Variants in FGD3 observed in about 807,000 individuals in gnomAD.
FGD3 encodes FYVE, RhoGEF and PH domain containing 3, also known as FYVE, RhoGEF and PH domain-containing protein 3.
Under a neutral mutation model 71.8 loss-of-function variants are expected in FGD3, and 45 were observed. The ratio of observed to expected loss-of-function variants is 0.63; its 90% CI spans 0.49 to 0.80. FGD3 has a LOEUF of 0.80. Among genes scored for constraint, FGD3 ranks in the 30% least tolerant of loss-of-function variants. The pLI, the probability that FGD3 is intolerant of heterozygous loss-of-function variation, is 0.00. For missense variants in FGD3, 844 were observed against 951.5 expected, an observed-to-expected ratio of 0.89 and a Z score of 1.49; for synonymous variants, 378 against 392.8, an observed-to-expected ratio of 0.96 and a Z score of 0.44.
At chr9:93,030,134 G>T in intron 15 of FGD3, 138 bp downstream of exon 15, 1 of 984,496 alleles carries the variant, frequency 1.0e-6, no homozygotes, top group Non-Finnish European at 1.4e-6. Context: ...CTGGCTCATG[G>T]ATATAGATAC....
chr9:92,989,602 G>A (rs1860322712), intron 3 of FGD3, among the ~76,000 whole-genome samples: 1 of 151,304 alleles, frequency 6.6e-6, no homozygotes, highest in African/African-American at 2.5e-5. Context: ...GAAGTCTTCA[G>A]TATTTAAAGG....
Position 93,034,524 on chromosome 9 carries a change from T to G in FGD3, c.1786-17T>G. On this transcript the variant is annotated splice_polypyrimidine_tract_variant and intron_variant, in intron 16 of 17. Coordinates refer to ENST00000375482, the MANE Select transcript of FGD3 (RefSeq NM_001083536.2). ...TGCAGGGGAGACTGCCCCTAACCTG[T>G]GTCTTTGTGTCCCCAGAAGACACCC... 1 of 1,603,290 alleles carries G rather than the reference T, an allele frequency of 6.2e-7. No individual in the cohort carries two copies. Among genetic ancestry groups the G allele is most frequent in the African/African-American group, 1.3e-5 (1 of 74,726 alleles).
chr9:93,006,202 T>C (rs757666558), intron 6 of FGD3, 22 bp downstream of exon 6: 3 of 1,518,042 alleles, frequency 2.0e-6, no homozygotes, highest in Admixed American at 2.1e-5. Flanking sequence ...AGTGGGAGTG[T>C]GGACACAGAT....
At chr9:92,999,080 A>T (rs1280366730) in intron 3 of FGD3, among the ~76,000 whole-genome samples, 1 of 152,208 alleles carries the variant, frequency 6.6e-6, no homozygotes, top group African/African-American at 2.4e-5. Context: ...GGTGGAGTCT[A>T]CAGAGGCAGG....
intron 14 of FGD3, among the ~76,000 whole-genome samples, chr9:93,023,857 G>A (rs1014681101): frequency 6.1e-5 from 9 of 146,766 alleles, no homozygotes; most frequent in African/African-American, 2.0e-4. Flanking sequence ...GCCGGAGTGC[G>A]GTGGCACAAT....
At chr9:92,992,604 G>A (rs1374630338) in intron 3 of FGD3, among the ~76,000 whole-genome samples, 1 of 152,050 alleles carries the variant, frequency 6.6e-6, no homozygotes, top group Non-Finnish European at 1.5e-5. Flanking sequence ...GCTGATCCTG[G>A]GCCCAAGCTC....
rs536252480 is a variant in FGD3, at chr9:92,970,619, A to G, written c.-217-4619A>G. Reference sequence around the variant, plus strand: ...GCATCTGTTAGTCTCAAGCCTGCATAGCAAGTGGTTTCAGGAGGGACCTAT... The same window carrying G: ...GCATCTGTTAGTCTCAAGCCTGCATGGCAAGTGGTTTCAGGAGGGACCTAT... On this transcript the variant is annotated intron_variant, in intron 1 of 17. Transcript: ENST00000375482. Among the ~76,000 whole-genome samples, 23 of 152,350 alleles carry G rather than the reference A, an allele frequency of 1.5e-4. No homozygotes were observed. The South Asian group carries it at 4.6e-3, about 30-fold the overall frequency.
At chr9:92,998,138 T>C (rs573398990) in intron 3 of FGD3, among the ~76,000 whole-genome samples, 38 of 152,340 alleles carry the variant, frequency 2.5e-4, no homozygotes, top group African/African-American at 9.1e-4. Flanking sequence ...TTTCACATAG[T>C]CTCATATTTC....
At chr9:92,955,256 C>T (rs982589926) in intron 1 of FGD3, among the ~76,000 whole-genome samples, 5 of 152,112 alleles carry the variant, frequency 3.3e-5, no homozygotes, top group African/African-American at 1.2e-4. Context: ...AAGGGATGGC[C>T]AGGCACGGTG....
intron 10 of FGD3, 108 bp downstream of exon 10, chr9:93,015,937 A>T: frequency 1.1e-6 from 1 of 937,602 alleles, no homozygotes; most frequent in South Asian, 1.4e-5. Context: ...GCAGCCTGGC[A>T]CCCCTACCTG....
chr9:92,990,102 C>A (rs1267766066), intron 3 of FGD3, among the ~76,000 whole-genome samples: 1 of 150,996 alleles, frequency 6.6e-6, no homozygotes. Flanking sequence ...TTTTTTTTAT[C>A]AGTTCTAAGA....
At chr9:93,020,456 T>G (rs372958884) in intron 13 of FGD3, 32 bp downstream of exon 13, 4 of 1,585,602 alleles carry the variant, frequency 2.5e-6, no homozygotes, top group Non-Finnish European at 3.4e-6. Flanking sequence ...CAGAGAGACC[T>G]CCAGGGGACG....
At chr9:92,992,153 T>C (rs1250026300) in intron 3 of FGD3, among the ~76,000 whole-genome samples, 1 of 152,226 alleles carries the variant, frequency 6.6e-6, no homozygotes, top group Non-Finnish European at 1.5e-5. Context: ...CATTCAAGAT[T>C]ATTATTGATT....
chr9:93,035,189 G>A, intron 17 of FGD3, 149 bp from the exon 18 acceptor site: 1 of 1,161,174 alleles, frequency 8.6e-7, no homozygotes, highest in Middle Eastern at 3.0e-4. Context: ...AAAAGGCAGT[G>A]CAGGCACAGC....
intron 14 of FGD3, among the ~76,000 whole-genome samples, chr9:93,022,729 A>G (rs1048120882): frequency 1.3e-5 from 2 of 152,140 alleles, no homozygotes; most frequent in African/African-American, 4.8e-5. Flanking sequence ...CCAAGTGAAC[A>G]TTTATGCTCT....
chr9:93,027,335 T>C (rs1363952693), intron 14 of FGD3, among the ~76,000 whole-genome samples: 2 of 152,202 alleles, frequency 1.3e-5, no homozygotes, highest in Non-Finnish European at 2.9e-5. Flanking sequence ...AAATACTACC[T>C]GAGGCTGAAG....
chr9:93,010,207 G>C (rs371249174), intron 6 of FGD3, 39 bp from the exon 7 acceptor site: 7 of 1,566,272 alleles, frequency 4.5e-6, no homozygotes, highest in Admixed American at 1.8e-5. Flanking sequence ...ATCCACACAC[G>C]TGTCCTTGGA....
chr9:93,034,639 C>T lies in FGD3; in HGVS notation c.1884C>T (p.Pro628=). ...GGAGCGAGGTGTGGGCCGCCATCCC[C>T]ATGTCAGATCCCCAGGTGCTGCACC... ...ETWSEVWAAI[P]MSDPQVLHLQ... The change falls in exon 17 of 18, where the codon CCC becomes CCT. Residue 628 remains proline (P), a synonymous_variant. Coordinates refer to ENST00000375482, the MANE Select transcript of FGD3 (RefSeq NM_001083536.2). 1.9e-6 allele frequency: 3 copies of T among 1,613,468 alleles called. No individual in the cohort carries two copies. Among genetic ancestry groups the T allele is most frequent in the Non-Finnish European group, 2.5e-6 (3 of 1,179,818 alleles).
chr9:92,967,819 C>T (rs1319601948), intron 1 of FGD3, among the ~76,000 whole-genome samples: 16 of 152,024 alleles, frequency 1.1e-4, no homozygotes, highest in African/African-American at 3.1e-4. Context: ...GTGATCCGCC[C>T]GCCTCGGCCT....
Sources: allele counts gnomAD v4.1 joint callset (sites outside exome capture counted in the v4.1 genomes callset), GRCh38; gene constraint gnomAD v4.1.1; transcripts MANE v1.5; gene names NCBI Gene and HGNC (gene_info 2026-07-23, HGNC 2026-07-21).